The following GREB1 variants were observed in gnomAD, a reference collection of about 807,000 sequenced individuals.
The protein encoded by GREB1 is protein GREB1.
A neutral mutation model predicts 200.7 loss-of-function variants in GREB1; 106 were observed. The observed-to-expected ratio is 0.53, with a 90% CI of 0.45 to 0.62. The LOEUF is 0.62. GREB1 is among the 20% of genes least tolerant of loss of function. The pLI, the probability that GREB1 is intolerant of heterozygous loss-of-function variation, is 0.00. For missense variants in GREB1, 2,243 were observed against 2,556.8 expected (o/e 0.88, Z 2.65); for synonymous variants, 1,132 against 1,092.4 (o/e 1.04, Z -0.72).
intron 1 of GREB1, among the ~76,000 whole-genome samples, chr2:11,501,920 T>TTTTTTTTTTTTTG (rs1673056698): frequency 8.5e-6 from 1 of 118,028 alleles, no homozygotes; most frequent in Non-Finnish European, 1.8e-5. Flanking sequence ...TTTTTTTTTT[T>TTTTTTTTTTTTTG]TTTTTTTTTT....
At chr2:11,566,181 G>C (rs1677627572) in intron 3 of GREB1, among the ~76,000 whole-genome samples, 2 of 152,106 alleles carry the variant, frequency 1.3e-5, no homozygotes, top group South Asian at 4.2e-4. Context: ...ACTACGCCTG[G>C]CTAATTTTTG....
At position 11,640,707 on chromosome 2, in the gene GREB1, G is replaced by T. The variant is rs1019467493; in HGVS notation, c.*253G>T. The T allele has an allele frequency of 2.2e-6, 1 of 459,716 alleles. No homozygotes were observed. The highest frequency in any genetic ancestry group is 5.5e-4 in the Middle Eastern group (1 of 1,804). 28.5% of individuals were successfully genotyped at this position (459,716 alleles called of 1,614,324 possible). A position where few individuals can be genotyped will look rare whatever the true frequency, so the allele number is the denominator to read the frequency against. Reference sequence around the variant, plus strand: ...GCCCATTGCTCTGGGCTGTTTTAAAGCCCATTTCACGAGGAACAAAGATTT... The same window carrying T: ...GCCCATTGCTCTGGGCTGTTTTAAATCCCATTTCACGAGGAACAAAGATTT... On this transcript the variant is annotated 3_prime_UTR_variant, in exon 33 of 33. Coordinates refer to ENST00000381486, the MANE Select transcript of GREB1 (RefSeq NM_014668.4). The surrounding 1 kb of genome is among the most constrained non-coding windows in gnomAD (Gnocchi z 4.6).
chr2:11,507,188 C>T (rs1673203574), intron 1 of GREB1, among the ~76,000 whole-genome samples: 2 of 152,182 alleles, frequency 1.3e-5, no homozygotes, highest in Admixed American at 6.5e-5. Context: ...GCAGGCGGAT[C>T]ACCTGAGGTC....
chr2:11,598,765 A>C lies in GREB1; in HGVS notation c.2238A>C (p.Ala746=). 6.2e-7 allele frequency: 1 copy of C among 1,614,224 alleles called. No homozygotes were observed. Among genetic ancestry groups the C allele is most frequent in the Non-Finnish European group, 8.5e-7 (1 of 1,180,022 alleles). ...ATGTTCTGAAGCTAGACACGGAGGC[A>C]CAGACAAAATTTAAGGCTTTTCTGC... The part of the protein sequence containing the change: ...EQYVLKLDTE[A]QTKFKAFLQN... Residue 746 remains alanine, a synonymous_variant, in exon 15 of 33, where the codon GCA becomes GCC. Coordinates refer to ENST00000381486, the MANE Select transcript of GREB1 (RefSeq NM_014668.4).
chr2:11,607,519 CATAT>C (rs201035342), intron 17 of GREB1, among the ~76,000 whole-genome samples: 1 of 115,176 alleles, frequency 8.7e-6, no homozygotes, highest in Non-Finnish European at 1.9e-5. Flanking sequence ...TATGTACATA[CATAT>C]ATATACACAT....
Position 11,548,668 on chromosome 2 carries a change from G to T in GREB1, c.-161-7786G>T, listed in dbSNP as rs940595514. ...CCTGGAGCCTTCTGTCCCTGCTCCA[G>T]TGTGGATCATTTAGCTGTTCTCATC... is the stretch of plus-strand genomic sequence containing the variant. On this transcript the variant is annotated intron_variant, in intron 1 of 32. Coordinates refer to ENST00000381486, the MANE Select transcript of GREB1 (RefSeq NM_014668.4). This position sits in a 1 kb window ranked among gnomAD's most constrained non-coding sequence, Gnocchi z 5.1. 1.3e-5 allele frequency among the ~76,000 whole-genome samples: 2 copies of T among 152,028 alleles called. No homozygotes were observed. Among genetic ancestry groups the T allele is most frequent in the Non-Finnish European group, 1.5e-5 (1 of 68,016 alleles).
intron 1 of GREB1, among the ~76,000 whole-genome samples, chr2:11,525,496 CAAA>C (rs764748651): frequency 4.0e-5 from 2 of 50,062 alleles, no homozygotes; most frequent in Non-Finnish European, 4.5e-5. Context: ...GACTCCATCT[CAAA>C]AAAAAAAAAA....
Position 11,618,934 on chromosome 2 carries a change from C to T in GREB1, c.4044+15C>T. On this transcript the variant is annotated intron_variant, in intron 22 of 32. Coordinates refer to ENST00000381486, the MANE Select transcript of GREB1 (RefSeq NM_014668.4). ...GCCCCCCTCAGGTGAGTGTTGCTCG[C>T]TGCCCCAGCACAGCCCCGGACTGGG... 1.3e-6 allele frequency: 2 copies of T among 1,484,010 alleles called. No individual in the cohort carries two copies. Among genetic ancestry groups the T allele is most frequent in the South Asian group, 2.7e-5 (2 of 74,728 alleles). 91.9% of individuals were successfully genotyped at this position (1,484,010 alleles called of 1,614,324 possible). A position where few individuals can be genotyped will look rare whatever the true frequency, so the allele number is the denominator to read the frequency against.
intron 1 of GREB1, among the ~76,000 whole-genome samples, chr2:11,485,002 G>C (rs1370424119): frequency 6.6e-6 from 1 of 152,086 alleles, no homozygotes; most frequent in Admixed American, 6.5e-5. Flanking sequence ...ACGGCGCCCG[G>C]TTATTTTTTT....
chr2:11,634,393 G>A (rs1479105101), intron 29 of GREB1, 44 bp downstream of exon 29: 3 of 1,509,692 alleles, frequency 2.0e-6, no homozygotes, highest in African/African-American at 2.8e-5. Context: ...AGCCCTGGGG[G>A]CGCAGAGTCC....
intron 11 of GREB1, among the ~76,000 whole-genome samples, chr2:11,593,375 G>C (rs1217772367): frequency 6.6e-6 from 1 of 152,046 alleles, no homozygotes; most frequent in Non-Finnish European, 1.5e-5. Flanking sequence ...GAAAGACCCT[G>C]TTGAAAACCT....
chr2:11,490,151 A>G (rs544509941), intron 1 of GREB1, among the ~76,000 whole-genome samples: 2 of 152,184 alleles, frequency 1.3e-5, no homozygotes, highest in South Asian at 4.2e-4. Flanking sequence ...CCATGATCTA[A>G]TTCCAGAACA....
chr2:11,629,909 A>C lies in GREB1; in HGVS notation c.4450-39A>C. ...TGGGGTCTTCTGGGAAGCAGGCCGG[A>C]CTCTGACGGCAAGCTCTGTCCTTTC... On this transcript the variant is annotated intron_variant, in intron 25 of 32. Coordinates refer to ENST00000381486, the MANE Select transcript of GREB1 (RefSeq NM_014668.4). The surrounding 1 kb of genome is among the most constrained non-coding windows in gnomAD (Gnocchi z 5.2). 1 of 1,604,230 alleles carries C rather than the reference A, an allele frequency of 6.2e-7. No individual in the cohort carries two copies. Among genetic ancestry groups the C allele is most frequent in the South Asian group, 1.1e-5 (1 of 90,100 alleles).
intron 1 of GREB1, among the ~76,000 whole-genome samples, chr2:11,500,600 C>G (rs577042276): frequency 6.6e-6 from 1 of 152,160 alleles, no homozygotes; most frequent in African/African-American, 2.4e-5. Context: ...GGGCTGGCCC[C>G]AATTAGTAAA....
In GREB1 at chr2:11,592,981, C is replaced by T. The variant is rs367614338; in HGVS notation, c.1551C>T (p.His517=). The change falls in exon 11 of 33, where the codon CAC becomes CAT. Residue 517 remains histidine (H), a synonymous_variant. Transcript: ENST00000381486. ...LAASSCNDSV[H]VIECAYSLAE... is the part of the protein sequence containing the mutation. The stretch of plus-strand genomic sequence containing the variant: ...CCAGCTCCTGCAACGACAGCGTGCA[C>T]GTCATCGAGTGTGCTTACTCCCTGG... The T allele has an allele frequency of 5.6e-5, 90 of 1,606,282 alleles. No individual in the cohort carries two copies. In the African/African-American group the frequency reaches 9.5e-4, roughly 17 times the overall value.
intron 14 of GREB1, 117 bp downstream of exon 14, chr2:11,598,095 T>C: frequency 1.2e-6 from 1 of 804,144 alleles, no homozygotes; most frequent in Non-Finnish European, 2.2e-6. Flanking sequence ...ATTGCTGCTC[T>C]TGTTTTATAG....
At chr2:11,524,290 C>G (rs1370772508) in intron 1 of GREB1, among the ~76,000 whole-genome samples, 1 of 152,084 alleles carries the variant, frequency 6.6e-6, no homozygotes, top group African/African-American at 2.4e-5. Context: ...ATGGCCAGGC[C>G]CAGGAGACAG....
intron 3 of GREB1, among the ~76,000 whole-genome samples, chr2:11,564,291 T>C (rs1195739509): frequency 1.3e-5 from 2 of 152,028 alleles, no homozygotes; most frequent in Non-Finnish European, 2.9e-5. Flanking sequence ...GATGGGCTGC[T>C]CTTCCAGGCA....
At chr2:11,549,812 CT>C (rs1444224512) in intron 1 of GREB1, among the ~76,000 whole-genome samples, 1 of 152,158 alleles carries the variant, frequency 6.6e-6, no homozygotes, top group East Asian at 1.9e-4. Context: ...TGTTTGCTCT[CT>C]TTTGTCTCTT....
Sources: allele counts gnomAD v4.1 joint callset (sites outside exome capture counted in the v4.1 genomes callset), GRCh38; gene constraint gnomAD v4.1.1; non-coding constraint Gnocchi (gnomAD v3.1); transcripts MANE v1.5; gene names NCBI Gene and HGNC (gene_info 2026-07-23, HGNC 2026-07-21).